Variants in TENM3 observed in about 807,000 individuals in gnomAD.
The protein encoded by TENM3 is teneurin-3.
A neutral mutation model predicts 255.1 loss-of-function variants in TENM3; 63 were observed. That is an observed-to-expected ratio of 0.25 (90% CI 0.20 to 0.30). The LOEUF (loss-of-function observed/expected upper bound fraction) is 0.30, where lower values mean the gene tolerates loss of function less well. Among genes scored for constraint, TENM3 ranks in the 10% least tolerant of loss-of-function variants. The probability of loss-of-function intolerance (pLI) is 1.00; values close to 1 mark genes in which losing one functional copy is unlikely to be tolerated. For synonymous variants in TENM3, 1,306 were observed against 1,322.3 expected (o/e 0.99, Z 0.27); for missense variants, 2,929 against 3,461.1 (o/e 0.85, Z 3.86).
chr4:182,768,504 G>A (rs1385174872), intron 22 of TENM3, among the ~76,000 whole-genome samples: 1 of 152,134 alleles, frequency 6.6e-6, no homozygotes, highest in Non-Finnish European at 1.5e-5. Context: ...AATATGGGAA[G>A]AGGCAGATAG....
intron 1 of TENM3, among the ~76,000 whole-genome samples, chr4:182,252,194 AC>A (rs1386484954): frequency 1.3e-5 from 2 of 151,706 alleles, no homozygotes; most frequent in Non-Finnish European, 2.9e-5. Flanking sequence ...AAAAAAAAAA[AC>A]AACAAAAAAA....
intron 4 of TENM3, among the ~76,000 whole-genome samples, chr4:182,607,464 A>G (rs1748544071): frequency 6.6e-6 from 1 of 152,224 alleles, no homozygotes; most frequent in Non-Finnish European, 1.5e-5. Flanking sequence ...TCAAATAATA[A>G]TGAAAGGCAA....
At chr4:181,549,263 G>C in the TENM3 span, among the ~76,000 whole-genome samples, 2 of 152,208 alleles carry the variant, frequency 1.3e-5, no homozygotes, top group Admixed American at 6.5e-5. Flanking sequence ...AGCTCCAGGG[G>C]CACGAACATG....
intron 1 of TENM3, among the ~76,000 whole-genome samples, chr4:182,152,861 T>C (rs1015477247): frequency 1.3e-5 from 2 of 151,894 alleles, no homozygotes; most frequent in African/African-American, 4.8e-5. Flanking sequence ...AAAGATGTAA[T>C]TTTAAATATT....
In TENM3 at chr4:182,754,275, C is replaced by A; in HGVS notation, c.4018-110C>A. The A allele has an allele frequency of 8.9e-7, 1 of 1,129,428 alleles. No individual in the cohort carries two copies. 70.0% of individuals were successfully genotyped at this position (1,129,428 alleles called of 1,614,324 possible). A position where few individuals can be genotyped will look rare whatever the true frequency, so the allele number is the denominator to read the frequency against. On this transcript the variant is annotated intron_variant, in intron 21 of 27. Coordinates refer to ENST00000511685, the MANE Select transcript of TENM3 (RefSeq NM_001080477.4). The surrounding 1 kb of genome is among the most constrained non-coding windows in gnomAD (Gnocchi z 5.1). ...GGCTATTGAAAAAACTATTATCAGA[C>A]AGTTTATCTCAGATTAATGCCAATT... is the stretch of plus-strand genomic sequence containing the variant.
At chr4:181,705,192 A>G in the TENM3 span, among the ~76,000 whole-genome samples, 1 of 152,198 alleles carries the variant, frequency 6.6e-6, no homozygotes, top group Non-Finnish European at 1.5e-5. Context: ...AACTATAAGA[A>G]AAAGCACAAT....
At chr4:181,809,019 G>A in the TENM3 span, among the ~76,000 whole-genome samples, 25 of 152,290 alleles carry the variant, frequency 1.6e-4, no homozygotes, top group East Asian at 3.9e-4. Context: ...GACATACACC[G>A]GAGAGAAAAA....
chr4:182,435,210 T>C (rs1328326518), intron 3 of TENM3, among the ~76,000 whole-genome samples: 1 of 152,146 alleles, frequency 6.6e-6, no homozygotes, highest in Non-Finnish European at 1.5e-5. Context: ...ACGGTTTTGT[T>C]CAGTAGAGTC....
At chr4:182,308,844 C>A (rs1182442864) in intron 1 of TENM3, among the ~76,000 whole-genome samples, 1 of 152,112 alleles carries the variant, frequency 6.6e-6, no homozygotes, top group African/African-American at 2.4e-5. Flanking sequence ...GAGCCTATAC[C>A]TAGTCAAGCA....
chr4:181,539,025 C>T, the TENM3 span, among the ~76,000 whole-genome samples: 11 of 152,226 alleles, frequency 7.2e-5, no homozygotes, highest in African/African-American at 2.6e-4. Flanking sequence ...TTTATATTGT[C>T]CCATATATAG....
intron 3 of TENM3, among the ~76,000 whole-genome samples, chr4:182,352,789 T>G (rs1765270007): frequency 6.6e-6 from 1 of 152,092 alleles, no homozygotes; most frequent in Admixed American, 6.6e-5. Flanking sequence ...GGCGTACCCC[T>G]CAAACCAATT....
the TENM3 span, among the ~76,000 whole-genome samples, chr4:181,978,640 C>A: frequency 1.6e-5 from 2 of 127,992 alleles, no homozygotes; most frequent in Admixed American, 8.4e-5. Context: ...AGAAAGAGTC[C>A]ATCTCAAAAA....
the TENM3 span, among the ~76,000 whole-genome samples, chr4:181,856,036 A>AGAAGGAAAGAAGGAGGGAAG: frequency 3.0e-4 from 14 of 46,498 alleles, no homozygotes; most frequent in African/African-American, 6.5e-4. Context: ...AAGGAAAGGA[A>AGAAGGAAAGAAGGAGGGAAG]GAAGGAAGGA....
the TENM3 span, among the ~76,000 whole-genome samples, chr4:182,040,387 T>A: frequency 6.6e-6 from 1 of 152,160 alleles, no homozygotes. Context: ...ACTCCTTTAC[T>A]CTTTCCCATA....
At chr4:182,268,543 G>A (rs773534612) in intron 1 of TENM3, among the ~76,000 whole-genome samples, 1 of 152,038 alleles carries the variant, frequency 6.6e-6, no homozygotes, top group Admixed American at 6.6e-5. Flanking sequence ...TAACCTACTG[G>A]GCTGCATTCC....
Position 182,801,607 on chromosome 4 carries a change from C to T in TENM3, c.*1256C>T, listed in dbSNP as rs999864045. On this transcript the variant is annotated 3_prime_UTR_variant, in exon 28 of 28. Transcript: ENST00000511685. ...TGGGGAAATAGGAGGAGGAAAGGTT[C>T]TGATGTAGTCGTGATCCTAAACACG... The T allele has an allele frequency of 6.6e-6, 1 of 152,242 alleles. No individual in the cohort carries two copies. Among genetic ancestry groups the T allele is most frequent in the African/African-American group, 2.4e-5 (1 of 41,460 alleles). 9.4% of individuals were successfully genotyped at this position (152,242 alleles called of 1,614,324 possible). A position where few individuals can be genotyped will look rare whatever the true frequency, so the allele number is the denominator to read the frequency against.
intron 22 of TENM3, among the ~76,000 whole-genome samples, chr4:182,767,617 A>G (rs1249677082): frequency 2.6e-5 from 4 of 152,196 alleles, no homozygotes; most frequent in Non-Finnish European, 5.9e-5. Flanking sequence ...TTACATACAC[A>G]CGTATATACA....
the TENM3 span, among the ~76,000 whole-genome samples, chr4:181,560,157 C>T: frequency 6.6e-6 from 1 of 152,308 alleles, no homozygotes; most frequent in African/African-American, 2.4e-5. Flanking sequence ...CTAGCAGACT[C>T]AGCGTCTGGT....
chr4:182,282,775 C>A (rs1170579558), intron 1 of TENM3, among the ~76,000 whole-genome samples: 2 of 151,742 alleles, frequency 1.3e-5, no homozygotes, highest in Admixed American at 6.6e-5. Flanking sequence ...CGCCTGTAAT[C>A]CCAGCTACTT....
Sources: gnomAD v4.1 joint callset for allele counts (sites outside exome capture counted in the v4.1 genomes callset) on GRCh38, gnomAD v4.1.1 for gene constraint, Gnocchi (gnomAD v3.1) non-coding constraint, MANE v1.5 for transcripts, NCBI Gene and HGNC (gene_info 2026-07-23, HGNC 2026-07-21) for gene names.